LARGE1: variants seen among roughly 807,000 people sequenced by gnomAD.
LARGE1 encodes the protein LARGE xylosyl- and glucuronyltransferase 1.
In LARGE1, 43 loss-of-function variants were observed where a neutral mutation model predicts 87.6. The ratio of observed to expected loss-of-function variants is 0.49; its 90% CI spans 0.38 to 0.63. The LOEUF (loss-of-function observed/expected upper bound fraction) is 0.63, where lower values mean the gene tolerates loss of function less well. LARGE1 is among the 30% of genes least tolerant of loss of function. LARGE1 has a pLI of 0.00. For synonymous variants in LARGE1, 434 were observed against 394.6 expected, an observed-to-expected ratio of 1.10 and a Z score of -1.18; for missense variants, 802 against 1,000.2, an observed-to-expected ratio of 0.80 and a Z score of 2.67.
chr22:33,269,713 A>C (rs945688115), downstream of LARGE1, among the ~76,000 whole-genome samples: 12 of 151,780 alleles, frequency 7.9e-5, no homozygotes, highest in African/African-American at 2.9e-4. Flanking sequence ...ATCTCTTAAG[A>C]CTATATTAAC....
chr22:33,250,114 A>G (rs1926945692), intron 11 of LARGE1, among the ~76,000 whole-genome samples: 1 of 152,212 alleles, frequency 6.6e-6, no homozygotes, highest in African/African-American at 2.4e-5. Context: ...GAATCTACAG[A>G]TAAAGTTAGG....
At chr22:33,296,135 C>T (rs957607696) in intron 12 of LARGE1, among the ~76,000 whole-genome samples, 2 of 152,186 alleles carry the variant, frequency 1.3e-5, no homozygotes. Flanking sequence ...AATAGCTAAA[C>T]GTTGTAGAGC....
intron 9 of LARGE1, among the ~76,000 whole-genome samples, chr22:33,347,146 T>A (rs1384152214): frequency 6.6e-6 from 1 of 151,874 alleles, no homozygotes; most frequent in Non-Finnish European, 1.5e-5. Flanking sequence ...TTTCTGATTC[T>A]CATTGTAAGC....
At chr22:33,148,489 T>A in the LARGE1 span, among the ~76,000 whole-genome samples, 1 of 152,234 alleles carries the variant, frequency 6.6e-6, no homozygotes, top group Admixed American at 6.5e-5. Flanking sequence ...GAAGACCATT[T>A]GTGTTGTTTC....
At chr22:33,238,855 T>C (rs1220814581) in intron 11 of LARGE1, among the ~76,000 whole-genome samples, 2 of 152,114 alleles carry the variant, frequency 1.3e-5, no homozygotes, top group African/African-American at 2.4e-5. Flanking sequence ...AGCCTTAAAT[T>C]CATATATTGA....
rs2084384164 is a variant in LARGE1, at chr22:33,753,155, G to C, written c.106+8216C>G. On this transcript the variant is annotated intron_variant, in intron 2 of 14. Transcript: ENST00000397394. ...GAATCACTTGAACCAGGGAGTCGGA[G>C]GTTGCAGTGAACTGAGATCACACCA... is the stretch of plus-strand genomic sequence containing the variant. Among the ~76,000 whole-genome samples the C allele has an allele frequency of 3.3e-5, 5 of 152,148 alleles. No homozygotes were observed. In the South Asian group the frequency reaches 1.0e-3, roughly 32 times the overall value.
At chr22:33,879,939 T>C (rs1184750567) in intron 1 of LARGE1, among the ~76,000 whole-genome samples, 2 of 152,226 alleles carry the variant, frequency 1.3e-5, no homozygotes, top group Non-Finnish European at 2.9e-5. Context: ...CCCTGTTTTT[T>C]GTTCTGAGTA....
intron 11 of LARGE1, among the ~76,000 whole-genome samples, chr22:33,205,507 G>C (rs1924630432): frequency 6.6e-6 from 1 of 152,186 alleles, no homozygotes; most frequent in African/African-American, 2.4e-5. Context: ...GAGAGTTTCA[G>C]TGTTTTAAGG....
At chr22:33,147,051 C>T in the LARGE1 span, among the ~76,000 whole-genome samples, 1 of 152,120 alleles carries the variant, frequency 6.6e-6, no homozygotes, top group African/African-American at 2.4e-5. Context: ...GTGAAATTCA[C>T]CCACACTGTT....
chr22:33,236,247 C>T (rs375063236), intron 11 of LARGE1, among the ~76,000 whole-genome samples: 8 of 152,082 alleles, frequency 5.3e-5, no homozygotes, highest in Non-Finnish European at 8.8e-5. Context: ...CCCTAGGAAA[C>T]GAATACATGA....
the LARGE1 span, among the ~76,000 whole-genome samples, chr22:33,126,484 G>T: frequency 6.6e-6 from 1 of 152,096 alleles, no homozygotes; most frequent in Non-Finnish European, 1.5e-5. Flanking sequence ...TTTGCTTTGT[G>T]TATGTAAATC....
chr22:33,464,852 C>A (rs1371215637), intron 6 of LARGE1, among the ~76,000 whole-genome samples: 2 of 150,910 alleles, frequency 1.3e-5, no homozygotes, highest in Non-Finnish European at 2.9e-5. Context: ...CGCACACATA[C>A]ACACACACTA....
the LARGE1 span, among the ~76,000 whole-genome samples, chr22:33,102,839 T>C: frequency 6.6e-6 from 1 of 152,070 alleles, no homozygotes; most frequent in Non-Finnish European, 1.5e-5. Flanking sequence ...TTCCACACCT[T>C]GCAATCTCTT....
At chr22:33,918,392 T>C (rs1010064639) in intron 1 of LARGE1, among the ~76,000 whole-genome samples, 1 of 152,184 alleles carries the variant, frequency 6.6e-6, no homozygotes, top group African/African-American at 2.4e-5. Context: ...GAAAACCCAC[T>C]AACCTCTAAA....
intron 7 of LARGE1, among the ~76,000 whole-genome samples, chr22:33,390,836 G>T (rs1362031453): frequency 1.3e-5 from 2 of 152,038 alleles, no homozygotes. Context: ...TAGGACCACA[G>T]GTGTGCGCCA....
intron 5 of LARGE1, among the ~76,000 whole-genome samples, chr22:33,593,429 T>C (rs2078899107): frequency 6.6e-6 from 1 of 152,232 alleles, no homozygotes; most frequent in Non-Finnish European, 1.5e-5. Context: ...GTTGGTATTC[T>C]TGGGTCTCTG....
chr22:33,471,831 T>A (rs1406459290), intron 6 of LARGE1, among the ~76,000 whole-genome samples: 4 of 152,234 alleles, frequency 2.6e-5, no homozygotes, highest in South Asian at 4.2e-4. Context: ...TCAGGAGTTC[T>A]AGACCAGCCT....
At chr22:33,677,440 A>C (rs144728137) in intron 2 of LARGE1, among the ~76,000 whole-genome samples, 1 of 152,096 alleles carries the variant, frequency 6.6e-6, no homozygotes, top group Non-Finnish European at 1.5e-5. Flanking sequence ...AAATTACGAC[A>C]GTTATCTCTC....
chr22:33,558,339 G>T (rs983396425), intron 6 of LARGE1, among the ~76,000 whole-genome samples: 1 of 152,124 alleles, frequency 6.6e-6, no homozygotes, highest in Non-Finnish European at 1.5e-5. Flanking sequence ...CAGGAAAGGA[G>T]ATTTAAAGTC....
Sources: gnomAD v4.1 joint callset for allele counts (sites outside exome capture counted in the v4.1 genomes callset) on GRCh38, gnomAD v4.1.1 for gene constraint, MANE v1.5 for transcripts, NCBI Gene and HGNC (gene_info 2026-07-23, HGNC 2026-07-21) for gene names.